The following CLSTN2 variants were observed in gnomAD, a reference collection of about 807,000 sequenced individuals.
The protein encoded by CLSTN2 is calsyntenin-2.
CLSTN2 carries 48 observed loss-of-function variants against 101.2 expected under a neutral mutation model. The observed-to-expected ratio is 0.47, with a 90% CI of 0.38 to 0.60. The LOEUF (loss-of-function observed/expected upper bound fraction) is 0.60, where lower values mean the gene tolerates loss of function less well. Ranked by LOEUF, CLSTN2 falls within the 20% of genes least tolerant of loss-of-function variation. The pLI is 0.00. For missense variants in CLSTN2, 1,160 were observed against 1,238.2 expected (o/e 0.94, Z 0.95); for synonymous variants, 481 against 463.6 (o/e 1.04, Z -0.48).
chr3:140,132,779 T>C (rs1326379461), intron 1 of CLSTN2, among the ~76,000 whole-genome samples: 3 of 152,188 alleles, frequency 2.0e-5, no homozygotes, highest in Admixed American at 2.0e-4. Flanking sequence ...CCACAGCTAG[T>C]GAATAATCAC....
chr3:140,496,559 C>G (rs151326498), intron 8 of CLSTN2, among the ~76,000 whole-genome samples: 1 of 152,186 alleles, frequency 6.6e-6, no homozygotes, highest in Non-Finnish European at 1.5e-5. Context: ...AAGGGGAATG[C>G]GTCCAGCTTT....
intron 1 of CLSTN2, among the ~76,000 whole-genome samples, chr3:139,943,612 C>T (rs1396682803): frequency 6.6e-6 from 1 of 152,202 alleles, no homozygotes; most frequent in East Asian, 1.9e-4. Context: ...GACGATACCA[C>T]CAGCACCTAG....
At chr3:140,266,792 C>T (rs912161046) in intron 2 of CLSTN2, among the ~76,000 whole-genome samples, 18 of 152,256 alleles carry the variant, frequency 1.2e-4, no homozygotes, top group Middle Eastern at 3.4e-3. Flanking sequence ...AGACCCAAGC[C>T]GTGGGTCCAT....
chr3:140,355,106 G>A lies in CLSTN2; in HGVS notation c.233-48523G>A, dbSNP rs1261848365. 6.6e-5 allele frequency among the ~76,000 whole-genome samples: 10 copies of A among 152,196 alleles called. 1 individual carries two copies. The highest frequency in any genetic ancestry group is 6.5e-4 in the Admixed American group (10 of 15,284). ...ACTGTGTTATCAGAAGACCAGATGA[G>A]CAGTTGTATAAGCCCAGGGTGTTTT... On this transcript the variant is annotated intron_variant, in intron 2 of 16. Transcript: ENST00000458420.
chr3:140,502,963 G>A (rs376351021), intron 8 of CLSTN2, among the ~76,000 whole-genome samples: 12 of 152,236 alleles, frequency 7.9e-5, no homozygotes, highest in African/African-American at 2.9e-4. Flanking sequence ...CAAAGTATTG[G>A]GAAGGCTGTG....
chr3:139,947,885 T>G (rs906898037), intron 1 of CLSTN2, among the ~76,000 whole-genome samples: 3 of 152,196 alleles, frequency 2.0e-5, no homozygotes, highest in African/African-American at 7.2e-5. Flanking sequence ...CTGCCTCCTT[T>G]CCATGCCAAT....
chr3:140,374,976 A>G (rs1366836663), intron 2 of CLSTN2, among the ~76,000 whole-genome samples: 2 of 152,248 alleles, frequency 1.3e-5, no homozygotes, highest in African/African-American at 2.4e-5. Flanking sequence ...TTTAAGACTC[A>G]CAAGTTTCTT....
chr3:140,307,070 A>T (rs2087121142), intron 2 of CLSTN2, among the ~76,000 whole-genome samples: 1 of 151,954 alleles, frequency 6.6e-6, no homozygotes, highest in Non-Finnish European at 1.5e-5. Context: ...ATGGCTTTAT[A>T]ACCGGGAATT....
rs924024811 is a variant in CLSTN2, at chr3:140,237,038, G to A, written c.232+60965G>A. 2.6e-5 allele frequency among the ~76,000 whole-genome samples: 4 copies of A among 151,602 alleles called. No individual in the cohort carries two copies. The East Asian group carries it at 7.7e-4, about 29-fold the overall frequency. ...CTCCTTATCATGAGTCATGTTTTCT[G>A]GACTCTTTGCATGCCAAATAATTTT... On this transcript the variant is annotated intron_variant, in intron 2 of 16. Transcript: ENST00000458420.
At chr3:140,101,937 T>C (rs1433267283) in intron 1 of CLSTN2, among the ~76,000 whole-genome samples, 3 of 152,086 alleles carry the variant, frequency 2.0e-5, no homozygotes, top group African/African-American at 7.2e-5. Flanking sequence ...TGTAGGAGAG[T>C]ACAGGGATGT....
chr3:140,208,305 T>C (rs1164560084), intron 2 of CLSTN2, among the ~76,000 whole-genome samples: 2 of 152,244 alleles, frequency 1.3e-5, no homozygotes, highest in South Asian at 4.1e-4. Flanking sequence ...TTCTTTTTAA[T>C]AGAAACAGTT....
chr3:140,230,639 C>T (rs1279829354), intron 2 of CLSTN2, among the ~76,000 whole-genome samples: 1 of 152,152 alleles, frequency 6.6e-6, no homozygotes, highest in African/African-American at 2.4e-5. Flanking sequence ...AAAGCTAGCT[C>T]TCTGCAGACA....
Position 140,513,586 on chromosome 3 carries a change from T to TC in CLSTN2, c.1345-18738_1345-18737insC, listed in dbSNP as rs1158065493. 2.8e-3 allele frequency among the ~76,000 whole-genome samples: 335 copies of TC among 117,942 alleles called. 3 individuals are homozygous for TC. The highest frequency in any genetic ancestry group is 0.018 in the Middle Eastern group (4 of 224). The allele number at this position is 117,942 out of a possible 152,430, so 77.4% of individuals were successfully genotyped here. A position where few individuals can be genotyped will look rare whatever the true frequency, so the allele number is the denominator to read the frequency against. On this transcript the variant is annotated intron_variant, in intron 8 of 16. Coordinates refer to ENST00000458420, the MANE Select transcript of CLSTN2 (RefSeq NM_022131.3). ...GAAGCTTTCTTTTTTTTTCTTTCTT[T>TC]TTTTTTTTTTTTTTGGGTGTGTGTC...
At chr3:140,497,100 CAAAAA>C (rs57659394) in intron 8 of CLSTN2, among the ~76,000 whole-genome samples, 1 of 87,982 alleles carries the variant, frequency 1.1e-5, no homozygotes, top group Non-Finnish European at 2.5e-5. Context: ...GACTCCGTCT[CAAAAA>C]AAAAAAAAAA....
intron 2 of CLSTN2, among the ~76,000 whole-genome samples, chr3:140,222,831 A>G (rs889713601): frequency 4.6e-5 from 7 of 151,092 alleles, no homozygotes; most frequent in Non-Finnish European, 1.0e-4. Context: ...GTAAATATAG[A>G]CACCTACTAC....
chr3:139,945,067 T>A (rs1935195547), intron 1 of CLSTN2, among the ~76,000 whole-genome samples: 1 of 150,350 alleles, frequency 6.7e-6, no homozygotes, highest in Non-Finnish European at 1.5e-5. Flanking sequence ...CATGTGAAAA[T>A]TGCCAGTTAA....
chr3:140,039,287 G>A (rs1400928057), intron 1 of CLSTN2, among the ~76,000 whole-genome samples: 3 of 151,944 alleles, frequency 2.0e-5, no homozygotes, highest in African/African-American at 4.8e-5. Flanking sequence ...TGGGTCCAGG[G>A]GGTAGAACCC....
intron 1 of CLSTN2, among the ~76,000 whole-genome samples, chr3:139,972,825 C>T (rs1326118721): frequency 6.6e-6 from 1 of 152,024 alleles, no homozygotes; most frequent in Non-Finnish European, 1.5e-5. Context: ...CCTGCCTGGC[C>T]CACAGGTGGC....
At chr3:140,199,777 A>G (rs2107840687) in intron 2 of CLSTN2, among the ~76,000 whole-genome samples, 1 of 152,364 alleles carries the variant, frequency 6.6e-6, no homozygotes, top group Admixed American at 6.5e-5. Context: ...TGTTCTCCAA[A>G]GTGTGGGAAC....
Sources: gnomAD v4.1 joint callset for allele counts (sites outside exome capture counted in the v4.1 genomes callset) on GRCh38, gnomAD v4.1.1 for gene constraint, MANE v1.5 for transcripts, NCBI Gene and HGNC (gene_info 2026-07-23, HGNC 2026-07-21) for gene names.